CNTNAP1: variants seen among roughly 807,000 people sequenced by gnomAD.
CNTNAP1 encodes contactin-associated protein 1.
In CNTNAP1, 80 loss-of-function variants were observed where a neutral mutation model predicts 161.5. The observed-to-expected ratio is 0.50, with a 90% CI of 0.41 to 0.60. The LOEUF is 0.60. CNTNAP1 is among the 20% of genes least tolerant of loss of function. CNTNAP1 has a pLI of 0.00. For missense variants in CNTNAP1, 1,464 were observed against 1,854.8 expected (o/e 0.79, Z 3.87); for synonymous variants, 695 against 733.1 (o/e 0.95, Z 0.84).
At chr17:42,697,488 G>C in intron 21 of CNTNAP1, 66 bp from the exon 22 acceptor site, 1 of 1,610,390 alleles carries the variant, frequency 6.2e-7, no homozygotes, top group South Asian at 1.1e-5. Context: ...TGGGAAACCT[G>C]TGGACAGTGA....
At position 42,689,598 on chromosome 17, in the gene CNTNAP1, CG is replaced by C; in HGVS notation, c.1709del (p.Gly570AlafsTer39). 6.2e-7 allele frequency: 1 copy of C among 1,613,856 alleles called. No individual in the cohort carries two copies. The part of the protein sequence containing the change: ...WDDFICYCEL[T>X]GYKGETCHTP... Reference sequence around the variant, plus strand: ...GACTTCATTTGCTACTGCGAACTGACGGGCTACAAGGGAGAGACCTGCCACA... The same window carrying C: ...GACTTCATTTGCTACTGCGAACTGACGGCTACAAGGGAGAGACCTGCCACA... On this transcript the variant is annotated frameshift_variant, in exon 11 of 24. Transcript: ENST00000264638. LOFTEE classifies it high-confidence loss of function.
chr17:42,696,254 G>A (rs2053150745), intron 20 of CNTNAP1, 102 bp downstream of exon 20: 3 of 1,452,350 alleles, frequency 2.1e-6, no homozygotes, highest in Non-Finnish European at 1.9e-6. Flanking sequence ...GATCACATTT[G>A]AATGTATAGA....
Position 42,684,096 on chromosome 17 carries a change from T to C in CNTNAP1, c.230T>C (p.Met77Thr), listed in dbSNP as rs144497813. The change falls in exon 3 of 24, where the codon ATG becomes ACG. Residue 77 changes from methionine (M) to threonine (T), a missense_variant. Around this residue, in one of 3 missense-constraint regions of CNTNAP1, gnomAD observed 1,383 missense variants for 1,765.0 expected, o/e 0.78. Coordinates refer to ENST00000264638, the MANE Select transcript of CNTNAP1 (RefSeq NM_003632.3). ...AATCCCTGGCTCCAGATAGACTTAATGAAGAAGCACCGGATCCGGGCCGTG... is the reference window on the plus strand; with the variant it reads ...AATCCCTGGCTCCAGATAGACTTAACGAAGAAGCACCGGATCCGGGCCGTG... Reference protein sequence around the residue: ...DPNPWLQIDLMKKHRIRAVAT... With the variant: ...DPNPWLQIDLTKKHRIRAVAT... The C allele has an allele frequency of 3.2e-5, 51 of 1,614,196 alleles. No homozygotes were observed. The highest frequency in any genetic ancestry group is 4.2e-5 in the Non-Finnish European group (50 of 1,180,030).
At position 42,687,081 on chromosome 17, in the gene CNTNAP1, T is replaced by C. The variant is rs1440313599; in HGVS notation, c.1044+35T>C. On this transcript the variant is annotated intron_variant, in intron 7 of 23. Coordinates refer to ENST00000264638, the MANE Select transcript of CNTNAP1 (RefSeq NM_003632.3). This position sits in a 1 kb window ranked among gnomAD's most constrained non-coding sequence, Gnocchi z 4.7. ...CAGGGGGGTCTGGGAGGACAGGATATCAAAGCGTCGTGGAAAGCAAAGAGG... is the reference window on the plus strand; with the variant it reads ...CAGGGGGGTCTGGGAGGACAGGATACCAAAGCGTCGTGGAAAGCAAAGAGG... The C allele has an allele frequency of 6.3e-7, 1 of 1,594,302 alleles. No individual in the cohort carries two copies. Among genetic ancestry groups the C allele is most frequent in the Non-Finnish European group, 8.6e-7 (1 of 1,165,472 alleles).
chr17:42,692,109 G>C, intron 16 of CNTNAP1, 118 bp downstream of exon 16: 1 of 1,086,046 alleles, frequency 9.2e-7, no homozygotes, highest in Non-Finnish European at 1.4e-6. Context: ...GCATGGGAAG[G>C]GTTGAGATAC....
In CNTNAP1 at chr17:42,686,377, T is replaced by TA. The variant is rs113091594; in HGVS notation, c.900+243dup. ...AACATAGTGACATCCTACCTCTATT[T>TA]AAAAAAATTTTTTTTTTCAAAGACC... On this transcript the variant is annotated intron_variant, in intron 6 of 23. Transcript: ENST00000264638. 0.042 allele frequency among the ~76,000 whole-genome samples: 6,275 copies of TA among 149,892 alleles called. 177 individuals carry two copies. The highest frequency in any genetic ancestry group is 0.083 in the Middle Eastern group (24 of 290).
At chr17:42,697,205 C>A in intron 20 of CNTNAP1, 69 bp from the exon 21 acceptor site, 2 of 1,088,240 alleles carry the variant, frequency 1.8e-6, no homozygotes, top group South Asian at 1.3e-5. Context: ...CAGTTCCAGT[C>A]CAGCCCACAG....
At chr17:42,686,346 C>T (rs1471930182) in intron 6 of CNTNAP1, among the ~76,000 whole-genome samples, 1 of 151,884 alleles carries the variant, frequency 6.6e-6, no homozygotes, top group Admixed American at 6.6e-5. Flanking sequence ...CAAGACTCAC[C>T]TGGGCAACAT....
chr17:42,696,300 A>G, intron 20 of CNTNAP1, 148 bp downstream of exon 20: 2 of 1,041,254 alleles, frequency 1.9e-6, no homozygotes, highest in East Asian at 2.7e-5. Context: ...TAACCCTCAC[A>G]ATAGCTCCAA....
rs2053046047 is a variant in CNTNAP1, at chr17:42,688,482, T to C, written c.1327T>C (p.Phe443Leu). The C allele has an allele frequency of 6.2e-7, 1 of 1,614,180 alleles. No individual in the cohort carries two copies. Among genetic ancestry groups the C allele is most frequent in the Non-Finnish European group, 8.5e-7 (1 of 1,180,042 alleles). Residue 443 changes from phenylalanine (F) to leucine (L), a missense_variant, in exon 9 of 24, where the codon TTT becomes CTT. By Grantham distance (22) the Phe-to-Leu change is conservative. Coordinates refer to ENST00000264638, the MANE Select transcript of CNTNAP1 (RefSeq NM_003632.3). Reference sequence around the variant, plus strand: ...TCCAGGGTACCGACTGAATGACGGCTTTTGGCACGAGGTGAATTTTGTGGC... The same window carrying C: ...TCCAGGGTACCGACTGAATGACGGCCTTTGGCACGAGGTGAATTTTGTGGC... Reference protein sequence around the residue: ...FAAGYRLNDGFWHEVNFVAQE... With the variant: ...FAAGYRLNDGLWHEVNFVAQE...
At position 42,690,173 on chromosome 17, in the gene CNTNAP1, C is replaced by T. The variant is rs1567972738; in HGVS notation, c.1821C>T (p.Pro607=). 1 of 1,614,014 alleles carries T rather than the reference C, an allele frequency of 6.2e-7. No individual in the cohort carries two copies. The highest frequency in any genetic ancestry group is 1.6e-4 in the Middle Eastern group (1 of 6,062). Residue 607 remains proline, a synonymous_variant, in exon 12 of 24, where the codon CCC becomes CCT. Transcript: ENST00000264638. ...NFTIDPDGSG[P]LKPFVVYCDI... is the part of the protein sequence containing the mutation. ...CCATTGATCCTGATGGCAGTGGCCC[C>T]CTGAAGCCATTTGTAGTGTACTGTG...
rs2143664733 is a variant in CNTNAP1 at position 42,691,677 on chromosome 17, C to T, written c.2345-129C>T. Reference sequence around the variant, plus strand: ...CACCTGGCTCCTCTTTCATTCCACTCCTTAGTCTCCCCTCCGTCACCTCAA... The same window carrying T: ...CACCTGGCTCCTCTTTCATTCCACTTCTTAGTCTCCCCTCCGTCACCTCAA... On this transcript the variant is annotated intron_variant, in intron 15 of 23. Transcript: ENST00000264638. The surrounding 1 kb of genome is among the most constrained non-coding windows in gnomAD (Gnocchi z 4.3). The T allele has an allele frequency of 7.5e-7, 1 of 1,339,418 alleles. No individual in the cohort carries two copies. The highest frequency in any genetic ancestry group is 1.0e-6 in the Non-Finnish European group (1 of 954,086). 83.0% of individuals were successfully genotyped at this position (1,339,418 alleles called of 1,614,324 possible).
chr17:42,697,864 G>A, intron 22 of CNTNAP1, 39 bp from the exon 23 acceptor site: 1 of 1,614,092 alleles, frequency 6.2e-7, no homozygotes. Flanking sequence ...TTCTTAACAT[G>A]GAGGAGGCAT....
Position 42,695,696 on chromosome 17 carries a change from GT to G in CNTNAP1, c.3169del (p.Tyr1057ThrfsTer77). On this transcript the variant is annotated frameshift_variant, in exon 19 of 24. Coordinates refer to ENST00000264638, the MANE Select transcript of CNTNAP1 (RefSeq NM_003632.3). LOFTEE classifies it high-confidence loss of function. Reference sequence around the variant, plus strand: ...ATGTGCCTGGCTACCATGGCCCCGGGTACCGCCTGCCCGACTACCCCCGGCC... The same window carrying G: ...ATGTGCCTGGCTACCATGGCCCCGGGACCGCCTGCCCGACTACCCCCGGCC... ...GYVPGYHGPG[Y>X]RLPDYPRPGR... 1 of 1,614,170 alleles carries G rather than the reference GT, an allele frequency of 6.2e-7. No individual in the cohort carries two copies. Among genetic ancestry groups the G allele is most frequent in the South Asian group, 1.1e-5 (1 of 91,088 alleles).
chr17:42,685,090 C>T lies in CNTNAP1; in HGVS notation c.463C>T (p.Pro155Ser), dbSNP rs777593216. The T allele has an allele frequency of 2.5e-6, 4 of 1,578,518 alleles. No individual in the cohort carries two copies. The highest frequency in any genetic ancestry group is 3.5e-5 in the Admixed American group (2 of 56,928). The part of the protein sequence containing the change: ...YIRIVPLAWN[P>S]RGKIGLRLGL... ...CCGCATCGTGCCCCTGGCCTGGAAC[C>T]CACGCGGCAAGATCGGCCTGAGGCT... The change falls in exon 4 of 24, where the codon CCA becomes TCA. Residue 155 changes from proline to serine, a missense_variant. Transcript: ENST00000264638. This position sits in a 1 kb window ranked among gnomAD's most constrained non-coding sequence, Gnocchi z 5.0.
rs71276881 is a variant in CNTNAP1, at chr17:42,698,445, ATGTG to A, written c.3863-140_3863-137del. Among the ~76,000 whole-genome samples the A allele has an allele frequency of 0.049, 6,793 of 139,478 alleles. 176 individuals carry two copies. Among genetic ancestry groups the A allele is most frequent in the African/African-American group, 0.077 (2,894 of 37,774 alleles). The allele number at this position is 139,478 out of a possible 152,430, so 91.5% of individuals were successfully genotyped here. On this transcript the variant is annotated intron_variant, in intron 23 of 23. Coordinates refer to ENST00000264638, the MANE Select transcript of CNTNAP1 (RefSeq NM_003632.3). ...ACATTATGCTTTTGGCCAAAAGTAA[ATGTG>A]TGTGTGTGTGTGTGTGTGTGTGTGT... is the stretch of plus-strand genomic sequence containing the variant.
rs372924118 is a variant in CNTNAP1 at position 42,686,953 on chromosome 17, G to C, written c.951G>C (p.Arg317=). Residue 317 remains arginine, a synonymous_variant, in exon 7 of 24, where the codon CGG becomes CGC. Transcript: ENST00000264638. ...VGAARKNLAY[R]HNFRGCIENV... is the part of the protein sequence containing the mutation. ...CCGCGCGGAAGAACCTGGCCTATCG[G>C]CATAACTTCCGCGGCTGCATAGAAA... The C allele has an allele frequency of 6.2e-7, 1 of 1,613,820 alleles. No homozygotes were observed. Among genetic ancestry groups the C allele is most frequent in the South Asian group, 1.1e-5 (1 of 91,080 alleles).
At chr17:42,689,869 T>C in intron 11 of CNTNAP1, 1 of 580,124 alleles carries the variant, frequency 1.7e-6, no homozygotes, top group Non-Finnish European at 3.0e-6. Context: ...GCCTCCTAAG[T>C]AGCTGGGACT....
chr17:42,684,368 T>A, intron 3 of CNTNAP1, 139 bp downstream of exon 3: 1 of 771,302 alleles, frequency 1.3e-6, no homozygotes, highest in Non-Finnish European at 2.1e-6. Flanking sequence ...CCAGGGACTC[T>A]GTCCAGAGGG....
Sources: allele counts gnomAD v4.1 joint callset (sites outside exome capture counted in the v4.1 genomes callset), GRCh38; gene constraint gnomAD v4.1.1; regional missense constraint gnomAD v4.1.1; non-coding constraint Gnocchi (gnomAD v3.1); transcripts MANE v1.5; gene names NCBI Gene and HGNC (gene_info 2026-07-23, HGNC 2026-07-21).